CDH12: variants seen among roughly 807,000 people sequenced by gnomAD.
CDH12 encodes cadherin 12.
Under a neutral mutation model 74.1 loss-of-function variants are expected in CDH12, and 41 were observed. That is an observed-to-expected ratio of 0.55 (90% CI 0.43 to 0.72). The LOEUF (loss-of-function observed/expected upper bound fraction) is 0.72. Ranked by LOEUF, CDH12 falls within the 30% of genes least tolerant of loss-of-function variation. The pLI is 0.00. For synonymous variants in CDH12, 399 were observed against 355.0 expected, an observed-to-expected ratio of 1.12 and a Z score of -1.39; for missense variants, 945 against 977.2, an observed-to-expected ratio of 0.97 and a Z score of 0.44.
chr5:21,960,376 G>A (rs1756301787), intron 6 of CDH12, among the ~76,000 whole-genome samples: 2 of 152,042 alleles, frequency 1.3e-5, no homozygotes, highest in Admixed American at 1.3e-4. Flanking sequence ...CTGAATACAA[G>A]GAACTTTACT....
chr5:22,803,050 G>C (rs1413483493), intron 1 of CDH12, among the ~76,000 whole-genome samples: 9 of 152,028 alleles, frequency 5.9e-5, no homozygotes, highest in Admixed American at 5.9e-4. Context: ...CCTCACTAAA[G>C]GAAGCCCAAC....
At chr5:22,133,308 A>G (rs1327068953) in intron 4 of CDH12, among the ~76,000 whole-genome samples, 9 of 152,074 alleles carry the variant, frequency 5.9e-5, no homozygotes, top group Admixed American at 2.0e-4. Context: ...GTCTTTCAGA[A>G]TATGTTGTAG....
chr5:22,408,153 C>A lies in CDH12; in HGVS notation c.-427-2802G>T, dbSNP rs750903439. On this transcript the variant is annotated intron_variant, in intron 2 of 14. Transcript: ENST00000382254. ...CTATCTTTAACAATGAAGCACATTT[C>A]AGCAAAACCTATAGCAAAATGATGT... 2.6e-4 allele frequency among the ~76,000 whole-genome samples: 39 copies of A among 152,020 alleles called. 1 individual carries two copies. The highest frequency in any genetic ancestry group is 3.8e-4 in the Non-Finnish European group (26 of 67,982).
chr5:22,584,680 C>T (rs562860909), intron 1 of CDH12, among the ~76,000 whole-genome samples: 20 of 152,158 alleles, frequency 1.3e-4, no homozygotes, highest in South Asian at 6.2e-4. Context: ...TGATATTTCT[C>T]TTAGCTCATT....
At chr5:22,124,211 A>G (rs1038001852) in intron 4 of CDH12, among the ~76,000 whole-genome samples, 1 of 151,992 alleles carries the variant, frequency 6.6e-6, no homozygotes, top group African/African-American at 2.4e-5. Flanking sequence ...GCTGCAGTGC[A>G]GTGGCAGGAT....
At chr5:22,086,032 G>T (rs774823797) in intron 4 of CDH12, among the ~76,000 whole-genome samples, 1 of 152,120 alleles carries the variant, frequency 6.6e-6, no homozygotes, top group Non-Finnish European at 1.5e-5. Context: ...CCCTAATGCA[G>T]CTTTTTTGGT....
At chr5:22,024,451 T>C (rs1489023180) in intron 5 of CDH12, among the ~76,000 whole-genome samples, 4 of 152,194 alleles carry the variant, frequency 2.6e-5, no homozygotes, top group Non-Finnish European at 4.4e-5. Context: ...CTTTCAACAA[T>C]ATAAATAACT....
At chr5:22,342,829 T>C (rs1006407148) in intron 3 of CDH12, among the ~76,000 whole-genome samples, 95 of 148,164 alleles carry the variant, frequency 6.4e-4, no homozygotes, top group African/African-American at 2.4e-3. Context: ...TCTCTCTCTG[T>C]CTCTCTTTCT....
chr5:22,468,704 T>G (rs1248236736), intron 2 of CDH12, among the ~76,000 whole-genome samples: 2 of 152,136 alleles, frequency 1.3e-5, no homozygotes, highest in Non-Finnish European at 2.9e-5. Context: ...TATGTAAAAT[T>G]TATAATAAAA....
rs756205378 is a variant in CDH12, at chr5:21,998,041, TG to T, written c.232-22657del. Among the ~76,000 whole-genome samples the T allele has an allele frequency of 4.7e-4, 71 of 152,180 alleles. 1 individual carries two copies. The highest frequency in any genetic ancestry group is 3.4e-3 in the Middle Eastern group (1 of 294). ...CTTGCTTTGACCTGTCTGGATCAGA[TG>T]GTTTAAGGCTACAACACGAGGCCAA... is the stretch of plus-strand genomic sequence containing the variant. On this transcript the variant is annotated intron_variant, in intron 5 of 14. Transcript: ENST00000382254.
At chr5:21,928,637 TC>T (rs1337736309) in intron 6 of CDH12, among the ~76,000 whole-genome samples, 1 of 152,200 alleles carries the variant, frequency 6.6e-6, no homozygotes, top group East Asian at 1.9e-4. Flanking sequence ...GCTCGTGTCT[TC>T]TAAAAATTCT....
intron 4 of CDH12, among the ~76,000 whole-genome samples, chr5:22,079,680 G>C (rs1437092003): frequency 1.3e-5 from 2 of 152,028 alleles, no homozygotes; most frequent in African/African-American, 2.4e-5. Flanking sequence ...ATCCCTACCA[G>C]ATGCAGAGCT....
At chr5:22,605,590 A>C (rs1407289899) in intron 1 of CDH12, among the ~76,000 whole-genome samples, 1 of 152,184 alleles carries the variant, frequency 6.6e-6, no homozygotes, top group African/African-American at 2.4e-5. Flanking sequence ...TGTGGTGGCC[A>C]ACATGAAGGC....
intron 1 of CDH12, among the ~76,000 whole-genome samples, chr5:22,697,388 G>A (rs1200784363): frequency 6.6e-6 from 1 of 151,878 alleles, no homozygotes; most frequent in African/African-American, 2.4e-5. Flanking sequence ...TGGCTAACAC[G>A]GTGGAACCCC....
chr5:22,633,743 C>A (rs574151763), intron 1 of CDH12, among the ~76,000 whole-genome samples: 1 of 152,252 alleles, frequency 6.6e-6, no homozygotes, highest in South Asian at 2.1e-4. Context: ...CTCTCTGGTT[C>A]TCAGGCTTTG....
chr5:22,133,096 TA>T (rs2150289228), intron 4 of CDH12, among the ~76,000 whole-genome samples: 1 of 152,276 alleles, frequency 6.6e-6, no homozygotes, highest in African/African-American at 2.4e-5. Flanking sequence ...CATAAAGAGT[TA>T]AAGATTGATA....
intron 5 of CDH12, among the ~76,000 whole-genome samples, chr5:22,052,601 A>AT (rs564278405): frequency 7.2e-5 from 11 of 151,776 alleles, no homozygotes; most frequent in South Asian, 2.1e-4. Flanking sequence ...CATTTTACTC[A>AT]TTTTTTTTGA....
intron 1 of CDH12, among the ~76,000 whole-genome samples, chr5:22,515,347 G>C (rs1272564419): frequency 6.6e-6 from 1 of 152,014 alleles, no homozygotes; most frequent in Non-Finnish European, 1.5e-5. Flanking sequence ...GATTAGAATA[G>C]CTAAGACATT....
chr5:22,573,225 G>C lies in CDH12; in HGVS notation c.-522-67861C>G, dbSNP rs78929371. ...AGTTGGAGTTGTCCTTAGAACATTT[G>C]ACAAATTTTTGCAACATTTTCCTCT... On this transcript the variant is annotated intron_variant, in intron 1 of 14. Coordinates refer to ENST00000382254, the MANE Select transcript of CDH12 (RefSeq NM_004061.5). Among the ~76,000 whole-genome samples, 999 of 152,138 alleles carry C rather than the reference G, an allele frequency of 6.6e-3. 9 individuals carry two copies. The highest frequency in any genetic ancestry group is 0.022 in the African/African-American group (920 of 41,520).
Sources: gnomAD v4.1 joint callset for allele counts (sites outside exome capture counted in the v4.1 genomes callset) on GRCh38, gnomAD v4.1.1 for gene constraint, MANE v1.5 for transcripts, NCBI Gene and HGNC (gene_info 2026-07-23, HGNC 2026-07-21) for gene names.